The following PALM2AKAP2 variants were observed in gnomAD, a reference collection of about 807,000 sequenced individuals.
PALM2AKAP2 encodes the protein PALM2-AKAP2 fusion protein.
In PALM2AKAP2, 37 loss-of-function variants were observed where a neutral mutation model predicts 71.5. That is an observed-to-expected ratio of 0.52 (90% CI 0.40 to 0.68). PALM2AKAP2 has a LOEUF of 0.68. Among genes scored for constraint, PALM2AKAP2 ranks in the 30% least tolerant of loss-of-function variants. PALM2AKAP2 has a pLI of 0.00. For synonymous variants in PALM2AKAP2, 468 were observed against 478.8 expected (o/e 0.98, Z 0.29); for missense variants, 1,224 against 1,191.8 (o/e 1.03, Z -0.40).
upstream of PALM2AKAP2, among the ~76,000 whole-genome samples, chr9:109,778,181 C>A (rs1343367534): frequency 6.6e-6 from 1 of 152,158 alleles, no homozygotes; most frequent in Non-Finnish European, 1.5e-5. Flanking sequence ...AGTAGAAGGA[C>A]CATTTCTGGT....
chr9:109,851,108 C>T (rs1828999130), intron 1 of PALM2AKAP2, among the ~76,000 whole-genome samples: 1 of 151,770 alleles, frequency 6.6e-6, no homozygotes, highest in Non-Finnish European at 1.5e-5. Flanking sequence ...ACCCGGGAGG[C>T]AGAGCTTGCA....
chr9:109,750,571 C>CGTGTGTGTGTGTGTGTGTGT (rs111708702), intron 1 of PALM2AKAP2, among the ~76,000 whole-genome samples: 2 of 147,200 alleles, frequency 1.4e-5, no homozygotes, highest in Non-Finnish European at 3.0e-5. Context: ...TGCCCTAGGA[C>CGTGTGTGTGTGTGTGTGTGT]GTGTGTGTGT....
chr9:109,744,823 T>C (rs1299089030), intron 1 of PALM2AKAP2, among the ~76,000 whole-genome samples: 1 of 152,166 alleles, frequency 6.6e-6, no homozygotes, highest in Admixed American at 6.5e-5. Flanking sequence ...CACAATGATG[T>C]CTGTCAAATC....
At chr9:109,910,492 T>C (rs1175175757) in intron 3 of PALM2AKAP2, among the ~76,000 whole-genome samples, 1 of 152,028 alleles carries the variant, frequency 6.6e-6, no homozygotes, top group East Asian at 1.9e-4. Context: ...ATAAAACAAA[T>C]AAACCTTTAG....
chr9:109,902,497 C>T (rs1425716451), intron 3 of PALM2AKAP2, among the ~76,000 whole-genome samples: 1 of 152,240 alleles, frequency 6.6e-6, no homozygotes, highest in African/African-American at 2.4e-5. Context: ...ATACAGTGAG[C>T]CATCATTGTA....
intron 1 of PALM2AKAP2, among the ~76,000 whole-genome samples, chr9:110,095,131 CT>C (rs1317677288): frequency 3.9e-5 from 6 of 152,168 alleles, no homozygotes; most frequent in Non-Finnish European, 7.4e-5. Flanking sequence ...GTTAAGTCCC[CT>C]TTTTGACGGC....
intron 6 of PALM2AKAP2, chr9:109,943,326 A>G (rs779258972): frequency 6.2e-6 from 10 of 1,614,112 alleles, no homozygotes; most frequent in Non-Finnish European, 8.5e-6. Flanking sequence ...CAGACACCAC[A>G]GAGCCCTCAT....
intron 1 of PALM2AKAP2, among the ~76,000 whole-genome samples, chr9:109,678,757 G>A (rs1827684619): frequency 6.6e-6 from 1 of 152,108 alleles, no homozygotes; most frequent in African/African-American, 2.4e-5. Context: ...TTTCTGGCCG[G>A]AGGTAAGCCA....
At chr9:110,155,498 G>A (rs557081618) in intron 2 of PALM2AKAP2, among the ~76,000 whole-genome samples, 1 of 152,172 alleles carries the variant, frequency 6.6e-6, no homozygotes, top group Non-Finnish European at 1.5e-5. Flanking sequence ...GTGAGGGTGC[G>A]TAGAGTCACC....
At chr9:109,819,721 G>A (rs1228582429) in intron 1 of PALM2AKAP2, among the ~76,000 whole-genome samples, 1 of 151,894 alleles carries the variant, frequency 6.6e-6, no homozygotes, top group Non-Finnish European at 1.5e-5. Context: ...GTGTGTGTGT[G>A]TGTGTGTGTG....
At chr9:109,727,766 A>T (rs906427642) in intron 1 of PALM2AKAP2, among the ~76,000 whole-genome samples, 3 of 152,262 alleles carry the variant, frequency 2.0e-5, no homozygotes, top group African/African-American at 7.2e-5. Context: ...AAGAAATTGC[A>T]AATACGTGAA....
chr9:109,701,470 C>G (rs1453127378), intron 1 of PALM2AKAP2, among the ~76,000 whole-genome samples: 1 of 152,102 alleles, frequency 6.6e-6, no homozygotes, highest in Non-Finnish European at 1.5e-5. Flanking sequence ...CTTTGACAAA[C>G]CTGACAAAAA....
chr9:109,651,534 C>G (rs543766753), intron 1 of PALM2AKAP2, among the ~76,000 whole-genome samples: 1 of 152,290 alleles, frequency 6.6e-6, no homozygotes, highest in South Asian at 2.1e-4. Context: ...CAGCTGGGAT[C>G]CTAGCTCACA....
At chr9:109,719,130 C>T (rs1208409089) in intron 1 of PALM2AKAP2, among the ~76,000 whole-genome samples, 3 of 152,018 alleles carry the variant, frequency 2.0e-5, no homozygotes, top group African/African-American at 7.3e-5. Flanking sequence ...ACTGATTGAG[C>T]CTGGAAATTA....
intron 1 of PALM2AKAP2, among the ~76,000 whole-genome samples, chr9:109,730,055 C>T (rs573757835): frequency 2.0e-5 from 3 of 152,108 alleles, no homozygotes; most frequent in Admixed American, 1.3e-4. Flanking sequence ...CTTGAGGAGA[C>T]AGAAGTTACC....
chr9:109,790,489 G>A (rs1270765951), intron 1 of PALM2AKAP2, among the ~76,000 whole-genome samples: 3 of 152,140 alleles, frequency 2.0e-5, no homozygotes, highest in Non-Finnish European at 4.4e-5. Flanking sequence ...TTGGTGGCAG[G>A]CAGGGGATTT....
At chr9:109,956,244 A>T (rs1831745513) in intron 6 of PALM2AKAP2, among the ~76,000 whole-genome samples, 1 of 152,126 alleles carries the variant, frequency 6.6e-6, no homozygotes, top group African/African-American at 2.4e-5. Flanking sequence ...ACCTCAGGTG[A>T]TCTGACTGCC....
At chr9:110,084,087 A>G (rs1387033779) in intron 1 of PALM2AKAP2, among the ~76,000 whole-genome samples, 1 of 152,230 alleles carries the variant, frequency 6.6e-6, no homozygotes, top group East Asian at 1.9e-4. Flanking sequence ...TTGATAGAAT[A>G]TGTGAGGCAT....
chr9:110,126,490 G>T (rs1457400459), intron 1 of PALM2AKAP2, among the ~76,000 whole-genome samples: 1 of 152,192 alleles, frequency 6.6e-6, no homozygotes, highest in Non-Finnish European at 1.5e-5. Context: ...GTTTATTCTG[G>T]GGTAGGGACT....
Sources: allele counts gnomAD v4.1 joint callset (sites outside exome capture counted in the v4.1 genomes callset), GRCh38; gene constraint gnomAD v4.1.1; transcripts MANE v1.5; gene names NCBI Gene and HGNC (gene_info 2026-07-23, HGNC 2026-07-21).